RASSF9: variants seen among roughly 807,000 people sequenced by gnomAD.
The protein encoded by RASSF9 is Ras association domain family member 9, also known as ras association domain-containing protein 9.
A neutral mutation model predicts 21.4 loss-of-function variants in RASSF9; 18 were observed. The ratio of observed to expected loss-of-function variants is 0.84; its 90% CI spans 0.58 to 1.25. The LOEUF is 1.25. Ranked by LOEUF, RASSF9 falls within the 50% of genes most tolerant of loss-of-function variation. The pLI is 0.00. For synonymous variants in RASSF9, 183 were observed against 179.1 expected, an observed-to-expected ratio of 1.02 and a Z score of -0.18; for missense variants, 480 against 503.2, an observed-to-expected ratio of 0.95 and a Z score of 0.44.
At chr12:85,829,276 G>T (rs1306745238) in intron 1 of RASSF9, among the ~76,000 whole-genome samples, 2 of 151,922 alleles carry the variant, frequency 1.3e-5, no homozygotes, top group African/African-American at 2.4e-5. Context: ...TGCTGAAGTT[G>T]GACCACTATC....
intron 1 of RASSF9, among the ~76,000 whole-genome samples, chr12:85,831,284 C>A (rs983636762): frequency 9.2e-5 from 14 of 152,130 alleles, no homozygotes; most frequent in African/African-American, 3.4e-4. Context: ...ATACAGCCAA[C>A]GAACACATTA....
rs186197188 is a variant in RASSF9, at chr12:85,806,109, C to T, written c.48-147G>A. The T allele has an allele frequency of 3.3e-4, 267 of 799,814 alleles. 3 individuals are homozygous for T. In the East Asian group the frequency reaches 5.2e-3, roughly 16 times the overall value. The allele number at this position is 799,814 out of a possible 1,614,324, so 49.5% of individuals were successfully genotyped here. ...TCGCCCAGGCTGGAGTGCAGTGGTG[C>T]GGTCTCAGCTCACTGCAAGCTCCGC... On this transcript the variant is annotated intron_variant, in intron 1 of 1. Transcript: ENST00000361228.
rs1414573803 is a variant in RASSF9, at chr12:85,805,533, TC to T, written c.476del (p.Arg159LysfsTer2). 1 of 1,613,976 alleles carries T rather than the reference TC, an allele frequency of 6.2e-7. No individual in the cohort carries two copies. Among genetic ancestry groups the T allele is most frequent in the Non-Finnish European group, 8.5e-7 (1 of 1,179,900 alleles). ...GTTTCCGGAAAGTTTTCCTGACTAT[TC>T]TTTTTTGTTTATCTGGTGGTAAAGT... is the stretch of plus-strand genomic sequence containing the variant. Reference protein sequence around the residue: ...MKTLPPDKQKRIVRKTFRKLA... With the variant: ...MKTLPPDKQKXIVRKTFRKLA... On this transcript the variant is annotated frameshift_variant, in exon 2 of 2. Coordinates refer to ENST00000361228, the MANE Select transcript of RASSF9 (RefSeq NM_005447.4). LOFTEE classifies it high-confidence loss of function.
chr12:85,812,737 T>G (rs1879979499), intron 1 of RASSF9, among the ~76,000 whole-genome samples: 1 of 151,650 alleles, frequency 6.6e-6, no homozygotes, highest in Non-Finnish European at 1.5e-5. Context: ...ACAATAAAAT[T>G]ACCACTATTA....
intron 1 of RASSF9, among the ~76,000 whole-genome samples, chr12:85,814,666 T>C (rs988868449): frequency 6.6e-6 from 1 of 151,932 alleles, no homozygotes; most frequent in Non-Finnish European, 1.5e-5. Flanking sequence ...GAAATTTTTT[T>C]TTTTTGCTCC....
chr12:85,803,846 A>G lies in RASSF9; in HGVS notation c.*856T>C, dbSNP rs1296402658. 2 of 152,168 alleles carry G rather than the reference A, an allele frequency of 1.3e-5. No individual in the cohort carries two copies. The highest frequency in any genetic ancestry group is 1.9e-4 in the East Asian group (1 of 5,194). The allele number at this position is 152,168 out of a possible 1,614,324, so 9.4% of individuals were successfully genotyped here. A position where few individuals can be genotyped will look rare whatever the true frequency, so the allele number is the denominator to read the frequency against. ...AATGCTAATAATTATAGCAGATTCTATTTTATCCACAGAAGGGTTCCAAAT... is the reference window on the plus strand; with the variant it reads ...AATGCTAATAATTATAGCAGATTCTGTTTTATCCACAGAAGGGTTCCAAAT... On this transcript the variant is annotated 3_prime_UTR_variant, in exon 2 of 2. Coordinates refer to ENST00000361228, the MANE Select transcript of RASSF9 (RefSeq NM_005447.4).
intron 1 of RASSF9, among the ~76,000 whole-genome samples, chr12:85,817,342 C>T (rs1353169123): frequency 2.6e-5 from 4 of 151,964 alleles, no homozygotes; most frequent in African/African-American, 9.7e-5. Context: ...TATCTTTTCC[C>T]ACGAATCAGT....
At chr12:85,833,715 T>A (rs904704943) in intron 1 of RASSF9, among the ~76,000 whole-genome samples, 1 of 151,994 alleles carries the variant, frequency 6.6e-6, no homozygotes, top group African/African-American at 2.4e-5. Context: ...AAGATGCAAT[T>A]ATGCTCAAGT....
At chr12:85,811,111 T>C (rs1879944611) in intron 1 of RASSF9, among the ~76,000 whole-genome samples, 1 of 151,960 alleles carries the variant, frequency 6.6e-6, no homozygotes, top group Non-Finnish European at 1.5e-5. Flanking sequence ...CTTTTCCTCA[T>C]AAAATTAATG....
intron 1 of RASSF9, among the ~76,000 whole-genome samples, chr12:85,834,778 A>G (rs944085276): frequency 6.6e-6 from 1 of 152,156 alleles, no homozygotes; most frequent in African/African-American, 2.4e-5. Context: ...CATTTAAAAA[A>G]CAGAGTATTT....
At chr12:85,814,078 C>A (rs1880010898) in intron 1 of RASSF9, among the ~76,000 whole-genome samples, 1 of 151,928 alleles carries the variant, frequency 6.6e-6, no homozygotes, top group Non-Finnish European at 1.5e-5. Flanking sequence ...ATTGGTGGCA[C>A]CTATGCCTAG....
At chr12:85,832,600 T>C (rs1279545434) in intron 1 of RASSF9, among the ~76,000 whole-genome samples, 1 of 151,954 alleles carries the variant, frequency 6.6e-6, no homozygotes, top group African/African-American at 2.4e-5. Flanking sequence ...GAATCTCAAA[T>C]GGACTGGTGT....
At chr12:85,810,827 G>C (rs971616927) in intron 1 of RASSF9, among the ~76,000 whole-genome samples, 3 of 151,892 alleles carry the variant, frequency 2.0e-5, no homozygotes, top group African/African-American at 7.2e-5. Context: ...TCTAGTAGTT[G>C]AGACACACAA....
intron 1 of RASSF9, among the ~76,000 whole-genome samples, chr12:85,820,807 T>G (rs540575921): frequency 2.0e-5 from 3 of 152,332 alleles, no homozygotes; most frequent in Admixed American, 6.5e-5. Flanking sequence ...TTATTTCTAG[T>G]AAGTTTCAAA....
At chr12:85,821,244 C>T (rs920029837) in intron 1 of RASSF9, among the ~76,000 whole-genome samples, 2 of 152,128 alleles carry the variant, frequency 1.3e-5, no homozygotes, top group Non-Finnish European at 2.9e-5. Context: ...AAAATGAAGG[C>T]ATTTTAGGTA....
chr12:85,825,814 A>ACC (rs1300822398), intron 1 of RASSF9, among the ~76,000 whole-genome samples: 3 of 147,494 alleles, frequency 2.0e-5, no homozygotes, highest in Non-Finnish European at 3.0e-5. Flanking sequence ...ACACACACAC[A>ACC]CCCTTACAGT....
chr12:85,815,528 C>T (rs1243131220), intron 1 of RASSF9, among the ~76,000 whole-genome samples: 1 of 152,126 alleles, frequency 6.6e-6, no homozygotes, highest in Non-Finnish European at 1.5e-5. Context: ...CTGTCTTCCA[C>T]AATGACTGAA....
rs1879780648 is a variant in RASSF9, at chr12:85,804,809, C to T, written c.1201G>A (p.Val401Ile). 5.0e-6 allele frequency: 8 copies of T among 1,613,448 alleles called. No homozygotes were observed. Among genetic ancestry groups the T allele is most frequent in the Non-Finnish European group, 6.8e-6 (8 of 1,179,394 alleles). ...GTGTCATTTGTGTAATTGCTAAATA[C>T]TCTTTGAGTAAAGGGAGGAATCTCC... The part of the protein sequence containing the change: ...NGEIPPFTQR[V>I]FSNYTNDTDS... The change falls in exon 2 of 2, where the codon GTA (valine) becomes ATA (isoleucine). Residue 401 changes from valine (V) to isoleucine (I), a missense_variant. Physicochemically the swap from Val to Ile is conservative, Grantham distance 29. Coordinates refer to ENST00000361228, the MANE Select transcript of RASSF9 (RefSeq NM_005447.4).
chr12:85,821,142 A>G (rs986724426), intron 1 of RASSF9, among the ~76,000 whole-genome samples: 2 of 152,058 alleles, frequency 1.3e-5, no homozygotes, highest in African/African-American at 2.4e-5. Context: ...AAATAAATAA[A>G]TAAAAAATAA....
Sources: allele counts gnomAD v4.1 joint callset (sites outside exome capture counted in the v4.1 genomes callset), GRCh38; gene constraint gnomAD v4.1.1; transcripts MANE v1.5; gene names NCBI Gene and HGNC (gene_info 2026-07-23, HGNC 2026-07-21).